The following ABCB1 variants were observed in gnomAD, a reference collection of about 807,000 sequenced individuals.
The protein encoded by ABCB1 is ATP binding cassette subfamily B member 1, also known as ATP-dependent translocase ABCB1.
ABCB1 carries 69 observed loss-of-function variants against 142.0 expected under a neutral mutation model. That is an observed-to-expected ratio of 0.49 (90% CI 0.40 to 0.59). The LOEUF is 0.59. Among genes scored for constraint, ABCB1 ranks in the 20% least tolerant of loss-of-function variants. The pLI, the probability that ABCB1 is intolerant of heterozygous loss-of-function variation, is 0.00. For missense variants in ABCB1, 1,326 were observed against 1,554.7 expected (o/e 0.85, Z 2.47); for synonymous variants, 532 against 539.2 (o/e 0.99, Z 0.18).
intron 4 of ABCB1, among the ~76,000 whole-genome samples, chr7:87,578,129 T>A (rs990997882): frequency 6.6e-6 from 1 of 152,230 alleles, no homozygotes; most frequent in Non-Finnish European, 1.5e-5. Flanking sequence ...GTTTCATTTT[T>A]ATGCATATGG....
At position 87,549,405 on chromosome 7, in the gene ABCB1, C is replaced by G. The variant is rs1236320337; in HGVS notation, c.1668G>C (p.Glu556Asp). The change falls in exon 14 of 28, where the codon GAG becomes GAC. Residue 556 changes from glutamate to aspartate, a missense_variant. Transcript: ENST00000622132. Reference protein sequence around the residue: ...VRNPKILLLDEATSALDTESE... With the variant: ...VRNPKILLLDDATSALDTESE... ...TTTCTGTGTCCAAGGCTGACGTGGC[C>G]TCATCCAGCAGGAGGATCTTGGGGT... 6.2e-7 allele frequency: 1 copy of G among 1,614,174 alleles called. No individual in the cohort carries two copies. The highest frequency in any genetic ancestry group is 1.7e-5 in the Admixed American group (1 of 60,030).
At chr7:87,517,319 G>C (rs1343432382) in intron 23 of ABCB1, among the ~76,000 whole-genome samples, 1 of 152,046 alleles carries the variant, frequency 6.6e-6, no homozygotes, top group African/African-American at 2.4e-5. Flanking sequence ...GACTCAGGGG[G>C]CCTTATATGC....
intron 21 of ABCB1, among the ~76,000 whole-genome samples, chr7:87,527,812 TGG>T (rs1238908244): frequency 6.6e-6 from 1 of 152,154 alleles, no homozygotes; most frequent in Non-Finnish European, 1.5e-5. Flanking sequence ...ACAAAATTAC[TGG>T]GGTAGTACAG....
chr7:87,505,056 T>C (rs898908856), intron 27 of ABCB1, among the ~76,000 whole-genome samples: 6 of 152,080 alleles, frequency 3.9e-5, no homozygotes, highest in African/African-American at 1.4e-4. Flanking sequence ...CTCAACCTCC[T>C]GGGCTCAAGC....
intron 25 of ABCB1, among the ~76,000 whole-genome samples, chr7:87,510,355 T>C (rs1202977756): frequency 6.6e-6 from 1 of 152,202 alleles, no homozygotes; most frequent in Non-Finnish European, 1.5e-5. Context: ...ATGGAGATCC[T>C]CAATACTGAG....
intron 1 of ABCB1, among the ~76,000 whole-genome samples, chr7:87,647,340 A>G (rs750207990): frequency 1.3e-5 from 2 of 152,120 alleles, no homozygotes; most frequent in African/African-American, 4.8e-5. Context: ...TTTATTAAAA[A>G]TTCCCATTTT....
At chr7:87,544,693 C>CATTCTGGGGGATAGGACAGGAGG (rs1383775174) in intron 16 of ABCB1, 130 bp downstream of exon 16, 21 of 868,760 alleles carry the variant, frequency 2.4e-5, no homozygotes, top group African/African-American at 5.1e-5. Flanking sequence ...AAAATGTTGA[C>CATTCTGGGGGATAGGACAGGAGG]ATTCTGGGGG....
intron 1 of ABCB1, among the ~76,000 whole-genome samples, chr7:87,663,415 C>T (rs944676198): frequency 2.0e-5 from 3 of 151,712 alleles, no homozygotes; most frequent in African/African-American, 7.3e-5. Flanking sequence ...CTAGTCAATA[C>T]TTATTAAGCT....
intron 1 of ABCB1, chr7:87,628,740 C>A: frequency 1.2e-6 from 1 of 855,670 alleles, no homozygotes; most frequent in Non-Finnish European, 1.6e-6. Flanking sequence ...CCCACGGTTG[C>A]GGACCGAGCG....
chr7:87,560,767 GGA>G (rs1423714644), intron 8 of ABCB1, among the ~76,000 whole-genome samples: 1 of 151,966 alleles, frequency 6.6e-6, no homozygotes, highest in Non-Finnish European at 1.5e-5. Context: ...CTAATAAAAG[GGA>G]ACAGTTGTAA....
Position 87,545,936 on chromosome 7 carries a change from A to G in ABCB1, c.1814T>C (p.Val605Ala). 1 of 1,614,062 alleles carries G rather than the reference A, an allele frequency of 6.2e-7. No homozygotes were observed. The highest frequency in any genetic ancestry group is 8.5e-7 in the Non-Finnish European group (1 of 1,179,990). ...ADVIAGFDDG[V>A]IVEKGNHDEL... ...ATCATGATTTCCTTTCTCCACAATG[A>G]CTCCATCATCGAAACCAGCGATGAC... The change falls in exon 15 of 28, where the codon GTC (valine) becomes GCC (alanine). Residue 605 changes from valine to alanine, a missense_variant. Val to Ala is a moderately conservative substitution (Grantham distance 64, BLOSUM62 0). Transcript: ENST00000622132.
intron 25 of ABCB1, among the ~76,000 whole-genome samples, chr7:87,514,965 A>G (rs1288164794): frequency 2.6e-5 from 4 of 152,154 alleles, no homozygotes; most frequent in Non-Finnish European, 5.9e-5. Flanking sequence ...TTTTCAAGTC[A>G]GCTGAAACCT....
At chr7:87,702,031 T>C (rs1426843502) in intron 1 of ABCB1, among the ~76,000 whole-genome samples, 1 of 150,244 alleles carries the variant, frequency 6.7e-6, no homozygotes, top group Non-Finnish European at 1.5e-5. Context: ...TAATCCCAGC[T>C]ACTTGGGAGG....
At chr7:87,549,214 T>C in intron 14 of ABCB1, 134 bp downstream of exon 14, 2 of 1,032,742 alleles carry the variant, frequency 1.9e-6, no homozygotes, top group Non-Finnish European at 2.8e-6. Context: ...GCCCAATGCT[T>C]TTATTTTAAT....
chr7:87,506,037 T>C lies in ABCB1; in HGVS notation c.3496A>G (p.Ser1166Gly). The C allele has an allele frequency of 6.2e-7, 1 of 1,613,842 alleles. No individual in the cohort carries two copies. Among genetic ancestry groups the C allele is most frequent in the Non-Finnish European group, 8.5e-7 (1 of 1,179,688 alleles). Reference protein sequence around the residue: ...AFIESLPNKYSTKVGDKGTQL... With the variant: ...AFIESLPNKYGTKVGDKGTQL... ...GTTCCTTTGTCTCCTACTTTAGTGC[T>C]ATATTTCTGTAAATAAGGTTTTGTT... The change falls in exon 27 of 28, where the codon AGC (serine) becomes GGC (glycine). Residue 1166 changes from serine to glycine, a missense_variant. Transcript: ENST00000622132.
intron 1 of ABCB1, among the ~76,000 whole-genome samples, chr7:87,705,514 A>C (rs1031647904): frequency 6.6e-6 from 1 of 152,216 alleles, no homozygotes; most frequent in African/African-American, 2.4e-5. Flanking sequence ...TTTAGCCATA[A>C]GACTTAAACA....
intron 1 of ABCB1, among the ~76,000 whole-genome samples, chr7:87,710,111 C>A (rs1486398071): frequency 6.6e-6 from 1 of 151,892 alleles, no homozygotes; most frequent in Non-Finnish European, 1.5e-5. Flanking sequence ...TATAAAACCT[C>A]CCACTGAAAG....
chr7:87,531,527 T>C (rs200711678), intron 20 of ABCB1, 30 bp from the exon 21 acceptor site: 143 of 1,596,040 alleles, frequency 9.0e-5, no homozygotes, highest in Admixed American at 7.7e-4. Context: ...AGAGAAATTT[T>C]AAAAATATTA....
chr7:87,690,605 CATT>C lies in ABCB1; in HGVS notation c.-331+22553_-331+22555del, dbSNP rs1306880668. ...AAAAATGCTGTATAAAAGATAGTCT[CATT>C]GTTAGCTGAATTACAGTACTGTAGC... On this transcript the variant is annotated intron_variant, in intron 1 of 28. Coordinates refer to the ABCB1 transcript ENST00000265724. Among the ~76,000 whole-genome samples, 12 of 152,240 alleles carry C rather than the reference CATT, an allele frequency of 7.9e-5. No individual in the cohort carries two copies. The East Asian group carries it at 2.1e-3, about 27-fold the overall frequency.
Sources: gnomAD v4.1 joint callset for allele counts (sites outside exome capture counted in the v4.1 genomes callset) on GRCh38, gnomAD v4.1.1 for gene constraint, MANE v1.5 for transcripts, NCBI Gene and HGNC (gene_info 2026-07-23, HGNC 2026-07-21) for gene names.